The following NKAIN2 variants were observed in gnomAD, a reference collection of about 807,000 sequenced individuals.
NKAIN2 encodes sodium/potassium-transporting ATPase subunit beta-1-interacting protein 2.
Under a neutral mutation model 32.6 loss-of-function variants are expected in NKAIN2, and 14 were observed. The observed-to-expected ratio is 0.43, with a 90% CI of 0.28 to 0.67. The LOEUF (loss-of-function observed/expected upper bound fraction) is 0.67, where lower values mean the gene tolerates loss of function less well. Ranked by LOEUF, NKAIN2 falls within the 30% of genes least tolerant of loss-of-function variation. NKAIN2 has a pLI of 0.17. For synonymous variants in NKAIN2, 80 were observed against 87.2 expected (o/e 0.92, Z 0.46); for missense variants, 198 against 258.3 (o/e 0.77, Z 1.60).
At chr6:124,250,898 G>A (rs979762483) in intron 1 of NKAIN2, among the ~76,000 whole-genome samples, 13 of 152,002 alleles carry the variant, frequency 8.6e-5, no homozygotes, top group African/African-American at 2.4e-4. Flanking sequence ...GGTCAGAGGT[G>A]TTGATATCTA....
At chr6:124,720,898 G>A (rs1262946307) in intron 4 of NKAIN2, among the ~76,000 whole-genome samples, 1 of 152,178 alleles carries the variant, frequency 6.6e-6, no homozygotes, top group Non-Finnish European at 1.5e-5. Flanking sequence ...CTTATCCTCA[G>A]CAGTATAGTG....
chr6:123,938,242 G>C (rs1776614972), intron 1 of NKAIN2, among the ~76,000 whole-genome samples: 1 of 151,126 alleles, frequency 6.6e-6, no homozygotes, highest in South Asian at 2.1e-4. Flanking sequence ...AAGGGCAGAT[G>C]CCATGAAAAC....
intron 2 of NKAIN2, among the ~76,000 whole-genome samples, chr6:124,323,923 G>A (rs954598064): frequency 4.6e-5 from 7 of 151,726 alleles, no homozygotes; most frequent in African/African-American, 1.7e-4. Context: ...GAGGAGCTGG[G>A]ACTACAGGCG....
intron 3 of NKAIN2, among the ~76,000 whole-genome samples, chr6:124,468,248 G>A (rs1776838678): frequency 6.6e-6 from 1 of 152,038 alleles, no homozygotes; most frequent in South Asian, 2.1e-4. Context: ...TTAGACCAGG[G>A]TGATACACTT....
chr6:123,875,684 C>G (rs376551201), intron 1 of NKAIN2, among the ~76,000 whole-genome samples: 1 of 151,748 alleles, frequency 6.6e-6, no homozygotes, highest in South Asian at 2.1e-4. Flanking sequence ...TAGTTTTATC[C>G]CATATTTCAG....
At chr6:124,018,622 A>G (rs1780707957) in intron 1 of NKAIN2, among the ~76,000 whole-genome samples, 1 of 152,170 alleles carries the variant, frequency 6.6e-6, no homozygotes, top group Non-Finnish European at 1.5e-5. Flanking sequence ...GAAGCATAAC[A>G]AGAGTCACCT....
chr6:124,080,115 G>T (rs1010612135), intron 1 of NKAIN2, among the ~76,000 whole-genome samples: 1 of 152,094 alleles, frequency 6.6e-6, no homozygotes, highest in Non-Finnish European at 1.5e-5. Context: ...AACAGGTCTC[G>T]CTCAGCAGCC....
At position 124,126,522 on chromosome 6, in the gene NKAIN2, T is replaced by C. The variant is rs139968642; in HGVS notation, c.55-156483T>C. ...AACTCTATCTACTATTGATGAATTGTCCATGGTCTTATTGAAAGCCACCTC... is the reference window on the plus strand; with the variant it reads ...AACTCTATCTACTATTGATGAATTGCCCATGGTCTTATTGAAAGCCACCTC... On this transcript the variant is annotated intron_variant, in intron 1 of 6. Coordinates refer to ENST00000368417, the MANE Select transcript of NKAIN2 (RefSeq NM_001040214.3). 2.3e-3 allele frequency among the ~76,000 whole-genome samples: 355 copies of C among 152,302 alleles called. 3 individuals carry two copies. Among genetic ancestry groups the C allele is most frequent in the African/African-American group, 8.2e-3 (341 of 41,574 alleles).
intron 2 of NKAIN2, among the ~76,000 whole-genome samples, chr6:124,334,396 G>T (rs1797783677): frequency 6.6e-6 from 1 of 152,190 alleles, no homozygotes; most frequent in Non-Finnish European, 1.5e-5. Context: ...CTGAACACAA[G>T]ACTGGAGTTT....
At chr6:124,734,623 C>T (rs1287871130) in intron 4 of NKAIN2, among the ~76,000 whole-genome samples, 1 of 151,792 alleles carries the variant, frequency 6.6e-6, no homozygotes, top group Non-Finnish European at 1.5e-5. Context: ...GAAACCTTAA[C>T]TGACAGACAC....
chr6:124,122,814 A>G (rs1562370808), intron 1 of NKAIN2, among the ~76,000 whole-genome samples: 1 of 152,078 alleles, frequency 6.6e-6, no homozygotes. Context: ...ATGATGGTTT[A>G]TTATTCTCTT....
chr6:124,440,356 C>T (rs549379045), intron 3 of NKAIN2, among the ~76,000 whole-genome samples: 34 of 152,114 alleles, frequency 2.2e-4, no homozygotes, highest in Middle Eastern at 6.8e-3. Flanking sequence ...TAGACTTAAG[C>T]TCCTTTTGCT....
intron 3 of NKAIN2, among the ~76,000 whole-genome samples, chr6:124,414,740 T>G (rs1774382115): frequency 6.6e-6 from 1 of 152,206 alleles, no homozygotes; most frequent in Non-Finnish European, 1.5e-5. Flanking sequence ...TTTGTATCTT[T>G]CAAGGAATTT....
intron 2 of NKAIN2, among the ~76,000 whole-genome samples, chr6:124,352,420 A>T (rs1308426586): frequency 6.6e-6 from 1 of 152,240 alleles, no homozygotes; most frequent in Non-Finnish European, 1.5e-5. Context: ...CCATGTGAAT[A>T]CAGATAAACA....
In NKAIN2 at chr6:124,020,505, C is replaced by A. The variant is rs532296622; in HGVS notation, c.54+216251C>A. Among the ~76,000 whole-genome samples the A allele has an allele frequency of 8.0e-4, 122 of 151,994 alleles. 1 individual carries two copies. The highest frequency in any genetic ancestry group is 1.3e-3 in the Non-Finnish European group (87 of 67,958). Reference sequence around the variant, plus strand: ...TCGCATAAAATCTGAGTTTTCTGCCCAACTTCTACACATTTCAGGAAAGAG... The same window carrying A: ...TCGCATAAAATCTGAGTTTTCTGCCAAACTTCTACACATTTCAGGAAAGAG... On this transcript the variant is annotated intron_variant, in intron 1 of 6. Transcript: ENST00000368417.
intron 4 of NKAIN2, among the ~76,000 whole-genome samples, chr6:124,674,622 T>C (rs1186746686): frequency 6.6e-6 from 1 of 152,020 alleles, no homozygotes; most frequent in East Asian, 1.9e-4. Flanking sequence ...TAGATGTGAT[T>C]ATAAGTGAGA....
At chr6:124,564,327 A>G (rs112416127) in intron 3 of NKAIN2, among the ~76,000 whole-genome samples, 17,321 of 152,238 alleles carry the variant, frequency 0.11, 1,044 homozygotes, top group South Asian at 0.2. Context: ...CTAGTAAAGG[A>G]TTATAAATGC....
chr6:124,026,871 A>G (rs1458400688), intron 1 of NKAIN2, among the ~76,000 whole-genome samples: 3 of 151,880 alleles, frequency 2.0e-5, no homozygotes, highest in Non-Finnish European at 4.4e-5. Flanking sequence ...CCACTTCCAC[A>G]CTTCACTTTC....
At chr6:124,480,449 A>G (rs563253164) in intron 3 of NKAIN2, among the ~76,000 whole-genome samples, 1 of 152,304 alleles carries the variant, frequency 6.6e-6, no homozygotes, top group Non-Finnish European at 1.5e-5. Flanking sequence ...AAGAGCAGAT[A>G]TCAAGATCTA....
Sources: allele counts gnomAD v4.1 joint callset (sites outside exome capture counted in the v4.1 genomes callset), GRCh38; gene constraint gnomAD v4.1.1; transcripts MANE v1.5; gene names NCBI Gene and HGNC (gene_info 2026-07-23, HGNC 2026-07-21).